The following GPR158 variants were observed in gnomAD, a reference collection of about 807,000 sequenced individuals.
The protein encoded by GPR158 is G protein-coupled receptor 158.
GPR158 carries 30 observed loss-of-function variants against 78.2 expected under a neutral mutation model. The observed-to-expected ratio is 0.38, with a 90% confidence interval of 0.29 to 0.52. GPR158 has a LOEUF of 0.52. GPR158 is among the 20% of genes least tolerant of loss of function. GPR158 has a pLI of 0.83. For synonymous variants in GPR158, 581 were observed against 591.1 expected, an observed-to-expected ratio of 0.98 and a Z score of 0.25; for missense variants, 1,463 against 1,523.5, an observed-to-expected ratio of 0.96 and a Z score of 0.66.
In GPR158 at chr10:25,175,772, G is replaced by C; in HGVS notation, c.352G>C (p.Ala118Pro). 6.2e-7 allele frequency: 1 copy of C among 1,611,194 alleles called. No homozygotes were observed. The highest frequency in any genetic ancestry group is 1.7e-5 in the Admixed American group (1 of 60,034). ...LPGKWPALAS[A>P]HPSLHRALDT... ...GGGGAAGTGGCCAGCCCTGGCCAGC[G>C]CGCACCCCTCCTTGCACCGGGCGCT... is the stretch of plus-strand genomic sequence containing the variant. Residue 118 changes from alanine to proline, a missense_variant, in exon 1 of 11, where the codon GCG (alanine) becomes CCG (proline). By Grantham distance (27) the Ala-to-Pro change is conservative. Transcript: ENST00000376351. This position sits in a 1 kb window ranked among gnomAD's most constrained non-coding sequence, Gnocchi z 6.4.
At chr10:25,237,089 G>A (rs1853535862) in intron 2 of GPR158, among the ~76,000 whole-genome samples, 3 of 152,192 alleles carry the variant, frequency 2.0e-5, no homozygotes, top group African/African-American at 7.2e-5. Context: ...CTTGAGGCAA[G>A]GGCTGTGACC....
intron 1 of GPR158, among the ~76,000 whole-genome samples, chr10:25,196,503 T>A (rs1852846636): frequency 6.6e-6 from 1 of 152,200 alleles, no homozygotes. Flanking sequence ...CTAAATATGA[T>A]CCTTAGTTGG....
intron 2 of GPR158, among the ~76,000 whole-genome samples, chr10:25,253,046 C>G (rs373790998): frequency 6.6e-6 from 1 of 152,120 alleles, no homozygotes; most frequent in Admixed American, 6.5e-5. Context: ...GTCTGAAAAG[C>G]GCAATATTCG....
intron 5 of GPR158, among the ~76,000 whole-genome samples, chr10:25,492,818 C>A (rs1015536297): frequency 6.6e-6 from 1 of 150,470 alleles, no homozygotes; most frequent in African/African-American, 2.4e-5. Flanking sequence ...AAAAAATGAT[C>A]TTTTTCTATT....
At chr10:25,442,122 G>A (rs1431987009) in intron 4 of GPR158, among the ~76,000 whole-genome samples, 1 of 152,176 alleles carries the variant, frequency 6.6e-6, no homozygotes, top group Non-Finnish European at 1.5e-5. Context: ...GTGAAGGAAA[G>A]CCCTTGATTA....
chr10:25,214,732 G>T (rs1588739120), intron 1 of GPR158, among the ~76,000 whole-genome samples: 1 of 151,948 alleles, frequency 6.6e-6, no homozygotes, highest in Non-Finnish European at 1.5e-5. Flanking sequence ...CAACTTGACT[G>T]ATGTCCTTAT....
intron 7 of GPR158, among the ~76,000 whole-genome samples, chr10:25,577,478 G>T (rs1837118599): frequency 6.6e-6 from 1 of 152,150 alleles, no homozygotes; most frequent in Non-Finnish European, 1.5e-5. Flanking sequence ...TTTGCATTCT[G>T]GGATCAGCTT....
intron 1 of GPR158, among the ~76,000 whole-genome samples, chr10:25,212,322 G>A (rs1853142880): frequency 6.6e-6 from 1 of 152,116 alleles, no homozygotes; most frequent in Non-Finnish European, 1.5e-5. Context: ...TTACATGGGA[G>A]GAGCGAAGCG....
intron 4 of GPR158, chr10:25,466,367 A>C (rs77865867): frequency 3.3e-6 from 1 of 299,488 alleles, no homozygotes; most frequent in Non-Finnish European, 6.2e-6. Flanking sequence ...AAGTATCTTC[A>C]AGATAGTGTT....
At position 25,580,919 on chromosome 10, in the gene GPR158, T is replaced by TA. The variant is rs754452477; in HGVS notation, c.1753+8032_1753+8033insA. Among the ~76,000 whole-genome samples, 420 of 49,908 alleles carry TA rather than the reference T, an allele frequency of 8.4e-3. 5 individuals carry two copies. Among genetic ancestry groups the TA allele is most frequent in the Non-Finnish European group, 0.012 (346 of 28,576 alleles). 32.7% of individuals were successfully genotyped at this position (49,908 alleles called of 152,430 possible). A position where few individuals can be genotyped will look rare whatever the true frequency, so the allele number is the denominator to read the frequency against. The stretch of plus-strand genomic sequence containing the variant: ...TTTTTTATTTTTTTATTTTATTTTA[T>TA]TTTATTTTATTTTTTTGAGACGGAG... On this transcript the variant is annotated intron_variant, in intron 7 of 10. Coordinates refer to ENST00000376351, the MANE Select transcript of GPR158 (RefSeq NM_020752.3).
At chr10:25,377,253 A>G (rs1834093279) in intron 2 of GPR158, among the ~76,000 whole-genome samples, 1 of 151,724 alleles carries the variant, frequency 6.6e-6, no homozygotes, top group South Asian at 2.1e-4. Context: ...TTAATTCCAG[A>G]CTTTTAAATG....
intron 5 of GPR158, among the ~76,000 whole-genome samples, chr10:25,467,319 A>G (rs1366613416): frequency 6.6e-6 from 1 of 152,164 alleles, no homozygotes; most frequent in African/African-American, 2.4e-5. Context: ...AATAGATGAC[A>G]GATGTCTCCT....
intron 10 of GPR158, 46 bp from the exon 11 acceptor site, chr10:25,597,726 G>C (rs771435525): frequency 2.1e-6 from 3 of 1,440,926 alleles, no homozygotes; most frequent in Non-Finnish European, 2.8e-6. Context: ...TCTATGACTG[G>C]AACACTAAAT....
intron 2 of GPR158, among the ~76,000 whole-genome samples, chr10:25,257,563 C>G (rs1564404170): frequency 6.6e-6 from 1 of 152,186 alleles, no homozygotes; most frequent in Non-Finnish European, 1.5e-5. Flanking sequence ...GCTCTATTTT[C>G]TAATCATCAG....
At chr10:25,231,018 G>C (rs1272189431) in intron 2 of GPR158, among the ~76,000 whole-genome samples, 1 of 152,214 alleles carries the variant, frequency 6.6e-6, no homozygotes, top group Non-Finnish European at 1.5e-5. Flanking sequence ...ACTAAAAGAT[G>C]TTTCCATCCG....
At chr10:25,359,745 A>G (rs1368738042) in intron 2 of GPR158, among the ~76,000 whole-genome samples, 1 of 152,156 alleles carries the variant, frequency 6.6e-6, no homozygotes, top group African/African-American at 2.4e-5. Flanking sequence ...TTATAGTAAA[A>G]TGATTTATTA....
At chr10:25,270,591 A>G (rs763426966) in intron 2 of GPR158, among the ~76,000 whole-genome samples, 59 of 152,126 alleles carry the variant, frequency 3.9e-4, no homozygotes, top group Admixed American at 1.0e-3. Context: ...GCTCCAACCG[A>G]GTCCTCCTCC....
At chr10:25,421,969 CCTTT>C (rs1834758068) in intron 4 of GPR158, among the ~76,000 whole-genome samples, 1 of 152,128 alleles carries the variant, frequency 6.6e-6, no homozygotes. Context: ...CACTATTGGA[CCTTT>C]CTAACTGTAA....
At chr10:25,241,203 CTTTCTTTCCTTTCTTTCCTT>C (rs1853609844) in intron 2 of GPR158, among the ~76,000 whole-genome samples, 5 of 98,972 alleles carry the variant, frequency 5.1e-5, no homozygotes, top group African/African-American at 1.7e-4. Flanking sequence ...TCTTTCTTTC[CTTTCTTTCCTTTCTTTCCTT>C]TTTCTTTCCT....
Sources: gnomAD v4.1 joint callset for allele counts (sites outside exome capture counted in the v4.1 genomes callset) on GRCh38, gnomAD v4.1.1 for gene constraint, Gnocchi (gnomAD v3.1) non-coding constraint, MANE v1.5 for transcripts, NCBI Gene and HGNC (gene_info 2026-07-23, HGNC 2026-07-21) for gene names.